GNA13: variants seen among roughly 807,000 people sequenced by gnomAD.
GNA13 encodes the protein guanine nucleotide-binding protein subunit alpha-13.
A neutral mutation model predicts 33.5 loss-of-function variants in GNA13; 4 were observed. The observed-to-expected ratio is 0.12, with a 90% CI of 0.06 to 0.27. GNA13 has a LOEUF of 0.27. Ranked by LOEUF, GNA13 falls within the 10% of genes least tolerant of loss-of-function variation. The pLI is 1.00. For missense variants in GNA13, 319 were observed against 487.2 expected (o/e 0.65, Z 3.25); for synonymous variants, 176 against 183.8 (o/e 0.96, Z 0.34).
chr17:65,034,558 A>C (rs1907175481), intron 2 of GNA13, among the ~76,000 whole-genome samples: 1 of 152,072 alleles, frequency 6.6e-6, no homozygotes, highest in African/African-American at 2.4e-5. Flanking sequence ...TCGGCCTCCC[A>C]AAGTGCTGGG....
chr17:65,033,068 G>A (rs1417500376), intron 2 of GNA13, among the ~76,000 whole-genome samples: 1 of 151,458 alleles, frequency 6.6e-6, no homozygotes, highest in East Asian at 1.9e-4. Context: ...CCAAGATCGT[G>A]CCACTGTACT....
intron 3 of GNA13, among the ~76,000 whole-genome samples, chr17:65,017,591 C>T (rs533995997): frequency 1.9e-4 from 29 of 152,166 alleles, no homozygotes; most frequent in Non-Finnish European, 1.9e-4. Context: ...CAGTGGGCCC[C>T]GCTGGCCACA....
chr17:65,041,113 T>G (rs1907436369), intron 2 of GNA13, among the ~76,000 whole-genome samples: 1 of 152,234 alleles, frequency 6.6e-6, no homozygotes, highest in African/African-American at 2.4e-5. Context: ...AAAATAATTT[T>G]TTAAAAAGAG....
At chr17:65,047,138 A>C (rs928059526) in intron 2 of GNA13, among the ~76,000 whole-genome samples, 3 of 152,210 alleles carry the variant, frequency 2.0e-5, no homozygotes, top group Admixed American at 6.5e-5. Context: ...AATAAACATA[A>C]AGCTCTGGGT....
At chr17:65,036,386 C>T (rs184991076) in intron 2 of GNA13, among the ~76,000 whole-genome samples, 188 of 152,268 alleles carry the variant, frequency 1.2e-3, no homozygotes, top group Middle Eastern at 0.01. Flanking sequence ...TCCTACAACC[C>T]GGAGTCTGAA....
chr17:65,044,840 C>T (rs1479134153), intron 2 of GNA13, among the ~76,000 whole-genome samples: 1 of 151,770 alleles, frequency 6.6e-6, no homozygotes, highest in Non-Finnish European at 1.5e-5. Flanking sequence ...GTCAAGAGTT[C>T]AAGACGAGCC....
intron 2 of GNA13, among the ~76,000 whole-genome samples, chr17:65,035,644 C>A (rs1907217133): frequency 6.6e-6 from 1 of 152,114 alleles, no homozygotes; most frequent in South Asian, 2.1e-4. Context: ...ATGATAACAA[C>A]AGAAAGCTTA....
At chr17:65,046,163 T>C (rs2143821788) in intron 2 of GNA13, among the ~76,000 whole-genome samples, 1 of 152,314 alleles carries the variant, frequency 6.6e-6, no homozygotes, top group African/African-American at 2.4e-5. Flanking sequence ...AATATAGCAC[T>C]ATATGATCAT....
At position 65,010,859 on chromosome 17, in the gene GNA13, G is replaced by A. The variant is rs530161538; in HGVS notation, c.*3398C>T. 1 of 208,370 alleles carries A rather than the reference G, an allele frequency of 4.8e-6. No homozygotes were observed. Among genetic ancestry groups the A allele is most frequent in the East Asian group, 7.2e-5 (1 of 13,916 alleles). 12.9% of individuals were successfully genotyped at this position (208,370 alleles called of 1,614,324 possible). On this transcript the variant is annotated 3_prime_UTR_variant, in exon 4 of 4. Coordinates refer to ENST00000439174, the MANE Select transcript of GNA13 (RefSeq NM_006572.6). ...AATAACATTGCTACAAACTGCAATGGAGAGAATCTTGTTTCAAATGGCTTA... is the reference window on the plus strand; with the variant it reads ...AATAACATTGCTACAAACTGCAATGAAGAGAATCTTGTTTCAAATGGCTTA...
rs1344731825 is a variant in GNA13, at chr17:65,056,268, C to G, written c.283+43G>C. 3.8e-6 allele frequency: 5 copies of G among 1,311,816 alleles called. 1 individual carries two copies. The highest frequency in any genetic ancestry group is 3.8e-5 in the South Asian group (3 of 79,970). The allele number at this position is 1,311,816 out of a possible 1,614,324, so 81.3% of individuals were successfully genotyped here. ...CGCCCCGCACCCGCCGCCGCCCCAGCCCCCCTGCCCTTAACCCCCGGCCCC... is the reference window on the plus strand; with the variant it reads ...CGCCCCGCACCCGCCGCCGCCCCAGGCCCCCTGCCCTTAACCCCCGGCCCC... On this transcript the variant is annotated intron_variant, in intron 1 of 3. Transcript: ENST00000439174.
chr17:65,009,669 T>G lies in GNA13; in HGVS notation c.*4588A>C, dbSNP rs149955744. Reference sequence around the variant, plus strand: ...AAAATATACTTTTTTATAAGGCTTCTTGTGGTAAATGAGCTCTCACCAGAG... The same window carrying G: ...AAAATATACTTTTTTATAAGGCTTCGTGTGGTAAATGAGCTCTCACCAGAG... On this transcript the variant is annotated 3_prime_UTR_variant, in exon 4 of 4. Transcript: ENST00000439174. Among the ~76,000 whole-genome samples, 58 of 152,336 alleles carry G rather than the reference T, an allele frequency of 3.8e-4. No homozygotes were observed. Among genetic ancestry groups the G allele is most frequent in the African/African-American group, 1.3e-3 (53 of 41,580 alleles).
chr17:65,055,880 T>C, intron 1 of GNA13: 1 of 370,636 alleles, frequency 2.7e-6, no homozygotes, highest in Non-Finnish European at 3.7e-6. Flanking sequence ...GGTAGCGAGG[T>C]TCGGCCCACA....
Position 65,016,795 on chromosome 17 carries a change from T to G in GNA13, c.561+1458A>C, listed in dbSNP as rs546313606. On this transcript the variant is annotated intron_variant, in intron 3 of 3. Transcript: ENST00000439174. ...AGCTTTGTTCAGATACACGCCTGCT[T>G]TATTTATAATCAGCATATGCACACA... Among the ~76,000 whole-genome samples, 7 of 152,360 alleles carry G rather than the reference T, an allele frequency of 4.6e-5. No individual in the cohort carries two copies. In the South Asian group the frequency reaches 1.2e-3, roughly 27 times the overall value.
chr17:65,021,833 A>G (rs941280733), intron 2 of GNA13, among the ~76,000 whole-genome samples: 1 of 152,252 alleles, frequency 6.6e-6, no homozygotes, highest in Admixed American at 6.5e-5. Flanking sequence ...TCAAATATAG[A>G]TTTTCTAATA....
chr17:65,051,911 C>T (rs1046306461), intron 2 of GNA13: 5 of 152,148 alleles, frequency 3.3e-5, no homozygotes, highest in Admixed American at 6.5e-5. Flanking sequence ...CTATACAAGA[C>T]GGTAAATAAT....
intron 2 of GNA13, among the ~76,000 whole-genome samples, chr17:65,037,567 C>T (rs1907293008): frequency 6.6e-6 from 1 of 151,996 alleles, no homozygotes; most frequent in Admixed American, 6.6e-5. Flanking sequence ...TACATTTCTC[C>T]TACCTTTCTG....
At chr17:65,047,292 G>C (rs1417181998) in intron 2 of GNA13, among the ~76,000 whole-genome samples, 1 of 152,128 alleles carries the variant, frequency 6.6e-6, no homozygotes, top group Non-Finnish European at 1.5e-5. Flanking sequence ...GGAGGCTGAA[G>C]CAGGAGGATC....
intron 2 of GNA13, among the ~76,000 whole-genome samples, chr17:65,027,988 C>T (rs1299353229): frequency 6.6e-6 from 1 of 152,144 alleles, no homozygotes; most frequent in Admixed American, 6.5e-5. Context: ...CCTGTAATCC[C>T]AGTACTCTGG....
intron 2 of GNA13, among the ~76,000 whole-genome samples, chr17:65,041,859 C>T (rs930649440): frequency 5.9e-5 from 9 of 152,186 alleles, no homozygotes; most frequent in African/African-American, 1.9e-4. Flanking sequence ...TCAAATAATT[C>T]TGGCTACAAA....
Sources: gnomAD v4.1 joint callset for allele counts (sites outside exome capture counted in the v4.1 genomes callset) on GRCh38, gnomAD v4.1.1 for gene constraint, MANE v1.5 for transcripts, NCBI Gene and HGNC (gene_info 2026-07-23, HGNC 2026-07-21) for gene names.